The following ZRANB3 variants were observed in gnomAD, a reference collection of about 807,000 sequenced individuals.
The protein encoded by ZRANB3 is DNA annealing helicase and endonuclease ZRANB3.
ZRANB3 carries 125 observed loss-of-function variants against 133.8 expected under a neutral mutation model. The ratio of observed to expected loss-of-function variants is 0.93; its 90% CI spans 0.81 to 1.08. The LOEUF is 1.08. Among genes scored for constraint, ZRANB3 ranks in the 50% least tolerant of loss-of-function variants. The pLI, the probability that ZRANB3 is intolerant of heterozygous loss-of-function variation, is 0.00. For missense variants in ZRANB3, 1,229 were observed against 1,275.5 expected (o/e 0.96, Z 0.56); for synonymous variants, 387 against 432.7 (o/e 0.89, Z 1.31).
chr2:135,423,672 AG>A (rs1407459991), intron 2 of ZRANB3, among the ~76,000 whole-genome samples: 1 of 152,182 alleles, frequency 6.6e-6, no homozygotes, highest in African/African-American at 2.4e-5. Context: ...GTCACAGTGG[AG>A]GGTAGGGGGA....
chr2:135,375,000 T>TA (rs141609203), intron 3 of ZRANB3, among the ~76,000 whole-genome samples: 10,496 of 152,068 alleles, frequency 0.069, 753 homozygotes, highest in African/African-American at 0.19. Flanking sequence ...GAAAATGAGA[T>TA]ACTACTACAC....
chr2:135,257,629 T>C (rs779638802), intron 12 of ZRANB3, among the ~76,000 whole-genome samples: 1 of 152,236 alleles, frequency 6.6e-6, no homozygotes, highest in Non-Finnish European at 1.5e-5. Flanking sequence ...GGGTGTGATG[T>C]GATAATCTCA....
At chr2:135,468,545 C>G (rs1206722316) in intron 2 of ZRANB3, among the ~76,000 whole-genome samples, 1 of 152,168 alleles carries the variant, frequency 6.6e-6, no homozygotes, top group Non-Finnish European at 1.5e-5. Flanking sequence ...GACAAGACAA[C>G]GTCTTATTCA....
At chr2:135,229,113 C>T (rs918468366) in intron 13 of ZRANB3, among the ~76,000 whole-genome samples, 1 of 152,126 alleles carries the variant, frequency 6.6e-6, no homozygotes, top group African/African-American at 2.4e-5. Context: ...CTAATTGTGA[C>T]AGAGATATTA....
At chr2:135,324,353 T>C (rs1475328465) in intron 6 of ZRANB3, among the ~76,000 whole-genome samples, 1 of 152,046 alleles carries the variant, frequency 6.6e-6, no homozygotes, top group Non-Finnish European at 1.5e-5. Context: ...GTTCTTGTGA[T>C]ACTTTGCTGA....
intron 2 of ZRANB3, among the ~76,000 whole-genome samples, chr2:135,456,754 G>A (rs1419717067): frequency 1.3e-5 from 2 of 152,014 alleles, no homozygotes; most frequent in Non-Finnish European, 2.9e-5. Flanking sequence ...ACAAAGTACA[G>A]GATTGGGGAA....
intron 8 of ZRANB3, among the ~76,000 whole-genome samples, chr2:135,299,678 CACT>C (rs775887809): frequency 3.6e-4 from 55 of 152,282 alleles, no homozygotes; most frequent in South Asian, 8.3e-4. Flanking sequence ...CTAATAACAC[CACT>C]AAGGAGATAA....
Position 135,342,317 on chromosome 2 carries a change from C to T in ZRANB3, c.677+3233G>A, listed in dbSNP as rs1419219558. Among the ~76,000 whole-genome samples the T allele has an allele frequency of 7.3e-5, 11 of 149,988 alleles. 1 individual carries two copies. Among genetic ancestry groups the T allele is most frequent in the South Asian group, 4.2e-4 (2 of 4,816 alleles). On this transcript the variant is annotated intron_variant, in intron 6 of 20. Transcript: ENST00000264159. ...CCTCCCAAAGTGCTGGGATTATAGG[C>T]GTGAGCCACCACGCCTGGCCGACAA...
At chr2:135,414,973 A>G (rs1261754102) in intron 2 of ZRANB3, among the ~76,000 whole-genome samples, 1 of 152,052 alleles carries the variant, frequency 6.6e-6, no homozygotes, top group African/African-American at 2.4e-5. Flanking sequence ...AGGGAAATTT[A>G]TAGCACTAAA....
At chr2:135,440,095 A>G (rs1689714592) in intron 2 of ZRANB3, among the ~76,000 whole-genome samples, 1 of 152,184 alleles carries the variant, frequency 6.6e-6, no homozygotes, top group Admixed American at 6.5e-5. Context: ...TTTCTTCCCT[A>G]CTATCTACAT....
chr2:135,276,166 A>T (rs1433108431), intron 8 of ZRANB3, among the ~76,000 whole-genome samples: 2 of 151,044 alleles, frequency 1.3e-5, no homozygotes, highest in African/African-American at 4.9e-5. Flanking sequence ...GATGAAGAGC[A>T]TTTTTTTTTA....
chr2:135,485,140 AAAAC>A (rs1315322064), intron 2 of ZRANB3, among the ~76,000 whole-genome samples: 4 of 145,588 alleles, frequency 2.7e-5, no homozygotes, highest in East Asian at 2.0e-4. Context: ...GAAACAAAAC[AAAAC>A]AAACAAAACA....
intron 2 of ZRANB3, among the ~76,000 whole-genome samples, chr2:135,455,325 A>T (rs1690461303): frequency 6.6e-6 from 1 of 151,342 alleles, no homozygotes; most frequent in Non-Finnish European, 1.5e-5. Flanking sequence ...AGTGACTGGG[A>T]TTACAGAAAT....
At chr2:135,343,873 T>A (rs1293617094) in intron 6 of ZRANB3, among the ~76,000 whole-genome samples, 1 of 150,100 alleles carries the variant, frequency 6.7e-6, no homozygotes, top group African/African-American at 2.5e-5. Flanking sequence ...CACATTTCAC[T>A]ATGTTTGAAA....
chr2:135,252,738 A>G (rs1679463459), intron 12 of ZRANB3, among the ~76,000 whole-genome samples: 1 of 152,154 alleles, frequency 6.6e-6, no homozygotes, highest in African/African-American at 2.4e-5. Flanking sequence ...CAAATTAACT[A>G]TAAAGTCCTC....
chr2:135,403,954 G>A (rs757836173), intron 2 of ZRANB3, among the ~76,000 whole-genome samples: 1 of 152,140 alleles, frequency 6.6e-6, no homozygotes, highest in Non-Finnish European at 1.5e-5. Flanking sequence ...CCATCGGTAC[G>A]TCACCATCAT....
intron 15 of ZRANB3, among the ~76,000 whole-genome samples, chr2:135,222,648 C>T (rs1366231650): frequency 6.6e-6 from 1 of 152,080 alleles, no homozygotes; most frequent in Non-Finnish European, 1.5e-5. Context: ...GGGAATCCCA[C>T]TGTTTTCCAT....
At chr2:135,413,082 TATAAC>T (rs1291798615) in intron 2 of ZRANB3, among the ~76,000 whole-genome samples, 1 of 152,192 alleles carries the variant, frequency 6.6e-6, no homozygotes, top group Non-Finnish European at 1.5e-5. Flanking sequence ...TTTTCAAAGT[TATAAC>T]ATATGTTGCA....
At chr2:135,513,390 A>G (rs545613380) in intron 1 of ZRANB3, among the ~76,000 whole-genome samples, 20 of 152,332 alleles carry the variant, frequency 1.3e-4, no homozygotes, top group South Asian at 1.0e-3. Flanking sequence ...AACAGAACTG[A>G]AAGTCCAGAA....
Sources: gnomAD v4.1 joint callset for allele counts (sites outside exome capture counted in the v4.1 genomes callset) on GRCh38, gnomAD v4.1.1 for gene constraint, MANE v1.5 for transcripts, NCBI Gene and HGNC (gene_info 2026-07-23, HGNC 2026-07-21) for gene names.